The following TMEM163 variants were observed in gnomAD, a reference collection of about 807,000 sequenced individuals.
TMEM163 encodes the protein transmembrane protein 163.
Under a neutral mutation model 29.3 loss-of-function variants are expected in TMEM163, and 17 were observed. The ratio of observed to expected loss-of-function variants is 0.58; its 90% CI spans 0.40 to 0.87. The LOEUF (loss-of-function observed/expected upper bound fraction) is 0.87. Among genes scored for constraint, TMEM163 ranks in the 40% least tolerant of loss-of-function variants. The pLI, the probability that TMEM163 is intolerant of heterozygous loss-of-function variation, is 0.00. For synonymous variants in TMEM163, 157 were observed against 160.6 expected, an observed-to-expected ratio of 0.98 and a Z score of 0.17; for missense variants, 303 against 381.5, an observed-to-expected ratio of 0.79 and a Z score of 1.71.
At chr2:134,709,678 TC>T (rs201034475) in intron 2 of TMEM163, among the ~76,000 whole-genome samples, 24,650 of 152,156 alleles carry the variant, frequency 0.16, 3,013 homozygotes, top group East Asian at 0.59. Flanking sequence ...CCCTCTCCTC[TC>T]AGCCAAGGGC....
intron 4 of TMEM163, among the ~76,000 whole-genome samples, chr2:134,515,416 C>T (rs1224515311): frequency 2.6e-5 from 4 of 152,118 alleles, no homozygotes; most frequent in Non-Finnish European, 5.9e-5. Flanking sequence ...TATTTTGATT[C>T]CTATAAAAAT....
chr2:134,514,085 G>T (rs1680004354), intron 4 of TMEM163, among the ~76,000 whole-genome samples: 1 of 152,206 alleles, frequency 6.6e-6, no homozygotes, highest in African/African-American at 2.4e-5. Flanking sequence ...CCATAGGCTT[G>T]CTGAGGTTAA....
intron 2 of TMEM163, among the ~76,000 whole-genome samples, chr2:134,561,891 G>C (rs770184590): frequency 1.3e-5 from 2 of 152,108 alleles, no homozygotes; most frequent in Non-Finnish European, 2.9e-5. Context: ...GCTGAGCTGG[G>C]GATACAGCAG....
chr2:134,689,172 G>A (rs1684410619), intron 2 of TMEM163, among the ~76,000 whole-genome samples: 1 of 145,302 alleles, frequency 6.9e-6, no homozygotes, highest in South Asian at 2.2e-4. Context: ...GCAATGGCAT[G>A]ATCTTGGCTC....
chr2:134,594,856 T>TCA (rs1682028863), intron 2 of TMEM163, among the ~76,000 whole-genome samples: 1 of 32,396 alleles, frequency 3.1e-5, no homozygotes, highest in South Asian at 5.6e-4. Context: ...CTTGAGTCTC[T>TCA]CTCTCTCTCT....
intron 2 of TMEM163, among the ~76,000 whole-genome samples, chr2:134,648,825 A>G (rs13424016): frequency 0.35 from 52,796 of 152,048 alleles, 12,530 homozygotes; most frequent in Non-Finnish European, 0.53. Flanking sequence ...TATTTCTTAT[A>G]TCCATTTAGC....
chr2:134,519,184 C>T (rs922619597), intron 4 of TMEM163, among the ~76,000 whole-genome samples: 1 of 152,212 alleles, frequency 6.6e-6, no homozygotes, highest in African/African-American at 2.4e-5. Flanking sequence ...GCAAGGCTAT[C>T]GCTAGACCAA....
intron 5 of TMEM163, among the ~76,000 whole-genome samples, chr2:134,489,441 A>G (rs1679381408): frequency 6.6e-6 from 1 of 151,968 alleles, no homozygotes; most frequent in Non-Finnish European, 1.5e-5. Flanking sequence ...AGCCAGGTGC[A>G]GTGGTGGGCA....
intron 4 of TMEM163, among the ~76,000 whole-genome samples, chr2:134,524,328 G>GT (rs34272309): frequency 2.0e-5 from 3 of 149,752 alleles, no homozygotes; most frequent in Non-Finnish European, 4.4e-5. Flanking sequence ...AAGAGTTTTT[G>GT]TTTTTTAATA....
At chr2:134,543,978 G>A (rs1311895605) in intron 4 of TMEM163, among the ~76,000 whole-genome samples, 3 of 152,180 alleles carry the variant, frequency 2.0e-5, no homozygotes, top group Non-Finnish European at 4.4e-5. Flanking sequence ...AGAATTAGAA[G>A]GCTGTCCAGG....
At chr2:134,710,640 TAA>T (rs34375062) in intron 2 of TMEM163, among the ~76,000 whole-genome samples, 78 of 143,718 alleles carry the variant, frequency 5.4e-4, no homozygotes, top group African/African-American at 1.9e-3. Context: ...TCCACCTAAC[TAA>T]AAAAAAAAAA....
At chr2:134,685,238 T>C (rs1449842031) in intron 2 of TMEM163, among the ~76,000 whole-genome samples, 2 of 152,218 alleles carry the variant, frequency 1.3e-5, no homozygotes, top group African/African-American at 4.8e-5. Context: ...TAAGAATAAC[T>C]GTTTCTAAAA....
chr2:134,477,766 T>G (rs912441674), intron 5 of TMEM163, among the ~76,000 whole-genome samples: 1 of 152,200 alleles, frequency 6.6e-6, no homozygotes, highest in African/African-American at 2.4e-5. Context: ...CCCAAGGTCA[T>G]ACCTATTGAA....
intron 2 of TMEM163, among the ~76,000 whole-genome samples, chr2:134,629,417 C>T (rs963005961): frequency 1.3e-5 from 2 of 152,122 alleles, no homozygotes; most frequent in Non-Finnish European, 2.9e-5. Context: ...ACTGTGCTTC[C>T]TATATAACAA....
chr2:134,524,108 A>G (rs1233398047), intron 4 of TMEM163, among the ~76,000 whole-genome samples: 1 of 152,206 alleles, frequency 6.6e-6, no homozygotes, highest in Non-Finnish European at 1.5e-5. Context: ...AGGATCTCAG[A>G]ATCTCAGGAC....
chr2:134,591,471 C>T (rs899727166), intron 2 of TMEM163, among the ~76,000 whole-genome samples: 13 of 152,102 alleles, frequency 8.5e-5, no homozygotes, highest in Admixed American at 1.3e-4. Flanking sequence ...TATCTTGTGC[C>T]GATCTCCTAT....
Position 134,455,864 on chromosome 2 carries a change from ATC to A in TMEM163, c.*850_*851del, listed in dbSNP as rs1215106142. 1 of 152,586 alleles carries A rather than the reference ATC, an allele frequency of 6.6e-6. No individual in the cohort carries two copies. The highest frequency in any genetic ancestry group is 2.4e-5 in the African/African-American group (1 of 41,458). The allele number at this position is 152,586 out of a possible 1,614,324, so 9.5% of individuals were successfully genotyped here. ...TGCGGGTTGGGGAACACTCTACAGA[ATC>A]TAAACCTACCGTGACATCAGCTGAG... On this transcript the variant is annotated 3_prime_UTR_variant, in exon 8 of 8. Coordinates refer to ENST00000281924, the MANE Select transcript of TMEM163 (RefSeq NM_030923.5).
chr2:134,661,593 A>G (rs7560738), intron 2 of TMEM163, among the ~76,000 whole-genome samples: 138,177 of 152,284 alleles, frequency 0.91, 62,972 homozygotes, highest in African/African-American at 0.98. Flanking sequence ...TTTTTCAGGT[A>G]GACACCTGCT....
At chr2:134,627,190 GTC>G (rs1443451951) in intron 2 of TMEM163, among the ~76,000 whole-genome samples, 1 of 151,932 alleles carries the variant, frequency 6.6e-6, no homozygotes, top group Non-Finnish European at 1.5e-5. Context: ...TTTTTCCTGT[GTC>G]TCTGGTACAG....
Sources: allele counts gnomAD v4.1 joint callset (sites outside exome capture counted in the v4.1 genomes callset), GRCh38; gene constraint gnomAD v4.1.1; transcripts MANE v1.5; gene names NCBI Gene and HGNC (gene_info 2026-07-23, HGNC 2026-07-21).